Variants in HAUS2 observed in about 807,000 individuals in gnomAD.
The protein encoded by HAUS2 is HAUS augmin-like complex subunit 2.
In HAUS2, 20 loss-of-function variants were observed where a neutral mutation model predicts 21.6. The observed-to-expected ratio is 0.93, with a 90% CI of 0.65 to 1.35. The LOEUF (loss-of-function observed/expected upper bound fraction) is 1.35, where lower values mean the gene tolerates loss of function less well. Among genes scored for constraint, HAUS2 ranks in the 40% most tolerant of loss-of-function variants. The probability of loss-of-function intolerance (pLI) is 0.00; values close to 1 mark genes in which losing one functional copy is unlikely to be tolerated. For synonymous variants in HAUS2, 113 were observed against 95.6 expected, an observed-to-expected ratio of 1.18 and a Z score of -1.06; for missense variants, 297 against 280.7, an observed-to-expected ratio of 1.06 and a Z score of -0.42.
At chr15:42,557,986 A>AT (rs956679825) in intron 1 of HAUS2, among the ~76,000 whole-genome samples, 60 of 149,724 alleles carry the variant, frequency 4.0e-4, no homozygotes, top group African/African-American at 1.1e-3. Context: ...TGTTTCTCTT[A>AT]TTTTTTTTTT....
rs908198945 is a variant in HAUS2, at chr15:42,560,810, T to C, written c.257-460T>C. The C allele has an allele frequency of 8.5e-6, 6 of 702,124 alleles. No homozygotes were observed. The African/African-American group carries it at 1.0e-4, about 12-fold the overall frequency. The allele number at this position is 702,124 out of a possible 1,614,324, so 43.5% of individuals were successfully genotyped here. ...TGAAGTCTTGCTATGTTGCCCAGGC[T>C]GGTCTCGAACTCATGGCCTCAATTC... On this transcript the variant is annotated intron_variant, in intron 3 of 5. Transcript: ENST00000260372.
At chr15:42,555,353 C>T (rs1022263136) in intron 1 of HAUS2, among the ~76,000 whole-genome samples, 8 of 152,044 alleles carry the variant, frequency 5.3e-5, no homozygotes, top group Admixed American at 3.3e-4. Context: ...TGGTCTCAAA[C>T]TCCTGGGCTC....
rs550567035 is a variant in HAUS2, at chr15:42,566,127, A to T, written c.499-480A>T. Among the ~76,000 whole-genome samples, 175 of 152,052 alleles carry T rather than the reference A, an allele frequency of 1.2e-3. 1 individual carries two copies. The highest frequency in any genetic ancestry group is 0.01 in the Middle Eastern group (3 of 294). ...TGAGGCAGAAGAATCGCTTGAACCC[A>T]GGAGACGGAGGTTGCAGTGAGCTGA... On this transcript the variant is annotated intron_variant, in intron 5 of 5. Coordinates refer to ENST00000260372, the MANE Select transcript of HAUS2 (RefSeq NM_018097.3).
chr15:42,564,221 G>A (rs968238496), intron 5 of HAUS2, among the ~76,000 whole-genome samples: 2 of 149,412 alleles, frequency 1.3e-5, no homozygotes, highest in South Asian at 2.1e-4. Context: ...AGCTGAGATC[G>A]TGCCAGTGCA....
intron 4 of HAUS2, among the ~76,000 whole-genome samples, 192 bp from the exon 5 acceptor site, chr15:42,563,557 A>G (rs1299101957): frequency 6.6e-6 from 1 of 152,176 alleles, no homozygotes; most frequent in African/African-American, 2.4e-5. Flanking sequence ...TTGGATGACA[A>G]GTTGCTTAAA....
At chr15:42,554,890 T>A (rs772040357) in intron 1 of HAUS2, among the ~76,000 whole-genome samples, 2 of 151,616 alleles carry the variant, frequency 1.3e-5, no homozygotes, top group Non-Finnish European at 2.9e-5. Context: ...TGCAGTAGCA[T>A]GATCACAGCT....
At chr15:42,550,121 C>T (rs980095520) in intron 1 of HAUS2, among the ~76,000 whole-genome samples, 2 of 151,922 alleles carry the variant, frequency 1.3e-5, no homozygotes, top group Admixed American at 1.3e-4. Context: ...ACATATTAGC[C>T]GGCATGGTGG....
chr15:42,552,306 G>A (rs909017291), intron 1 of HAUS2, among the ~76,000 whole-genome samples: 3 of 152,162 alleles, frequency 2.0e-5, no homozygotes, highest in African/African-American at 7.2e-5. Flanking sequence ...TTACAGGCAT[G>A]AGCCACTACA....
intron 3 of HAUS2, among the ~76,000 whole-genome samples, chr15:42,560,026 G>A (rs578095263): frequency 2.4e-4 from 37 of 152,244 alleles, no homozygotes; most frequent in Non-Finnish European, 2.4e-4. Context: ...ATTGTAGCAT[G>A]TACCTGTAGT....
chr15:42,566,483 T>C (rs2057908303), intron 5 of HAUS2, 124 bp from the exon 6 acceptor site: 2 of 637,002 alleles, frequency 3.1e-6, no homozygotes, highest in African/African-American at 1.8e-5. Flanking sequence ...AGCACAGTTT[T>C]AAGGAGCTTT....
intron 5 of HAUS2, 32 bp from the exon 6 acceptor site, chr15:42,566,575 A>G (rs772023630): frequency 8.7e-7 from 1 of 1,155,618 alleles, no homozygotes; most frequent in Non-Finnish European, 1.3e-6. Flanking sequence ...AAGAGACATA[A>G]TTTCTCCTGT....
At position 42,548,888 on chromosome 15, in the gene HAUS2, C is replaced by G; in HGVS notation, c.16C>G (p.Pro6Ala). The G allele has an allele frequency of 6.5e-7, 1 of 1,550,268 alleles. No homozygotes were observed. The highest frequency in any genetic ancestry group is 1.2e-5 in the South Asian group (1 of 84,024). ...CGTCCGAGCCATGGCCGCTGCCAAC[C>G]CGTGGGACCCGGCGTCCGCGCCTAA... MAAAN[P>A]WDPASAPNGA... is the part of the protein sequence containing the mutation. Residue 6 changes from proline (P) to alanine (A), a missense_variant, in exon 1 of 6, where the codon CCG becomes GCG. By Grantham distance (27) the Pro-to-Ala change is conservative (BLOSUM62 -1). Coordinates refer to ENST00000260372, the MANE Select transcript of HAUS2 (RefSeq NM_018097.3).
chr15:42,561,090 G>A (rs981185689), intron 3 of HAUS2, among the ~76,000 whole-genome samples, 180 bp from the exon 4 acceptor site: 6 of 152,130 alleles, frequency 3.9e-5, no homozygotes, highest in East Asian at 1.9e-4. Context: ...TACAAAAACC[G>A]ACTAAGAGAA....
intron 5 of HAUS2, among the ~76,000 whole-genome samples, chr15:42,564,748 T>TA (rs1375126628): frequency 6.6e-6 from 1 of 152,220 alleles, no homozygotes; most frequent in Non-Finnish European, 1.5e-5. Flanking sequence ...CTCGGCCTCT[T>TA]AAAGTGCTGA....
chr15:42,561,672 T>C (rs182794475), intron 4 of HAUS2: 10 of 307,458 alleles, frequency 3.3e-5, no homozygotes, highest in African/African-American at 2.1e-4. Context: ...CAATAAAAAC[T>C]GTTTGTATGT....
intron 5 of HAUS2, among the ~76,000 whole-genome samples, chr15:42,565,432 T>TGTGTGTGTG (rs71108167): frequency 3.4e-5 from 5 of 147,536 alleles, no homozygotes; most frequent in African/African-American, 1.0e-4. Context: ...TGTGTGTGTG[T>TGTGTGTGTG]TTTCTTTTTT....
intron 5 of HAUS2, among the ~76,000 whole-genome samples, chr15:42,565,387 ATGTGTGTGTG>A (rs139933934): frequency 0.016 from 2,135 of 136,490 alleles, 67 homozygotes; most frequent in African/African-American, 0.052. Context: ...GAGCCATTGA[ATGTGTGTGTG>A]TGTGTGTGTG....
chr15:42,553,653 C>G (rs538360449), intron 1 of HAUS2, among the ~76,000 whole-genome samples: 2 of 152,214 alleles, frequency 1.3e-5, no homozygotes, highest in African/African-American at 2.4e-5. Flanking sequence ...CTTAAACATT[C>G]TTATTTTTCC....
chr15:42,554,551 T>C (rs1451486283), intron 1 of HAUS2, among the ~76,000 whole-genome samples: 1 of 150,074 alleles, frequency 6.7e-6, no homozygotes, highest in East Asian at 2.0e-4. Flanking sequence ...AGTGCAGTAG[T>C]GCGCTCACAG....
Sources: allele counts gnomAD v4.1 joint callset (sites outside exome capture counted in the v4.1 genomes callset), GRCh38; gene constraint gnomAD v4.1.1; transcripts MANE v1.5; gene names NCBI Gene and HGNC (gene_info 2026-07-23, HGNC 2026-07-21).